TMEM232: variants seen among roughly 807,000 people sequenced by gnomAD.
TMEM232 encodes transmembrane protein 232.
Under a neutral mutation model 78.8 loss-of-function variants are expected in TMEM232, and 80 were observed. The observed-to-expected ratio is 1.01, with a 90% CI of 0.85 to 1.22. TMEM232 has a LOEUF of 1.22. Among genes scored for constraint, TMEM232 ranks in the 50% most tolerant of loss-of-function variants. The probability of loss-of-function intolerance (pLI) is 0.00; values close to 1 mark genes in which losing one functional copy is unlikely to be tolerated. For missense variants in TMEM232, 881 were observed against 742.2 expected (o/e 1.19, Z -2.17); for synonymous variants, 297 against 254.3 (o/e 1.17, Z -1.60).
chr5:110,482,873 A>G (rs899352162), intron 12 of TMEM232, among the ~76,000 whole-genome samples: 2 of 151,902 alleles, frequency 1.3e-5, no homozygotes, highest in Non-Finnish European at 2.9e-5. Flanking sequence ...TGCTAAAGAG[A>G]AGTAGACAAA....
chr5:110,620,038 G>C (rs1783434103), intron 7 of TMEM232, among the ~76,000 whole-genome samples: 1 of 151,942 alleles, frequency 6.6e-6, no homozygotes, highest in Non-Finnish European at 1.5e-5. Flanking sequence ...ATTCAATTAG[G>C]TCAACCATTC....
At chr5:110,465,863 T>G (rs75362825) in intron 12 of TMEM232, among the ~76,000 whole-genome samples, 8 of 152,322 alleles carry the variant, frequency 5.3e-5, no homozygotes, top group African/African-American at 1.9e-4. Context: ...TCTCCAATAT[T>G]TATTGGGTAT....
At chr5:110,532,342 C>G (rs1771636294) in intron 11 of TMEM232, among the ~76,000 whole-genome samples, 1 of 151,594 alleles carries the variant, frequency 6.6e-6, no homozygotes, top group African/African-American at 2.4e-5. Context: ...CTCAGAAGCC[C>G]CCTAGACCAT....
At position 110,392,354 on chromosome 5, in the gene TMEM232, C is replaced by T. The variant is rs146849052; in HGVS notation, n.391-1714G>A. Among the ~76,000 whole-genome samples, 1,026 of 152,214 alleles carry T rather than the reference C, an allele frequency of 6.7e-3. 11 individuals carry two copies. Among genetic ancestry groups the T allele is most frequent in the Non-Finnish European group, 0.01 (702 of 68,000 alleles). On this transcript the variant is annotated intron_variant and non_coding_transcript_variant, in intron 3 of 8. Coordinates refer to the TMEM232 transcript ENST00000507188. ...CTAAGAAATCAAGCATCTTGGTAAA[C>T]GGATAAAAATGATTTGGTAGAAGGA...
intron 12 of TMEM232, among the ~76,000 whole-genome samples, chr5:110,456,020 T>C (rs1376842246): frequency 1.3e-5 from 2 of 152,226 alleles, no homozygotes; most frequent in African/African-American, 4.8e-5. Context: ...CAGAATGCTT[T>C]GCCTCTAAGA....
chr5:110,591,695 A>AAGC, intron 10 of TMEM232, among the ~76,000 whole-genome samples: 1 of 152,166 alleles, frequency 6.6e-6, no homozygotes, highest in Non-Finnish European at 1.5e-5. Flanking sequence ...GAAAAATTAA[A>AAGC]TGCTTTGATC....
chr5:110,536,229 T>A (rs944925239), intron 11 of TMEM232, among the ~76,000 whole-genome samples: 3 of 152,240 alleles, frequency 2.0e-5, no homozygotes, highest in African/African-American at 7.2e-5. Context: ...AAGGTTTCCA[T>A]GTGGAAGCCC....
chr5:110,551,115 C>A (rs1276251664), intron 11 of TMEM232, among the ~76,000 whole-genome samples: 1 of 152,080 alleles, frequency 6.6e-6, no homozygotes, highest in South Asian at 2.1e-4. Flanking sequence ...AGCTTGCCAG[C>A]CCCTAATCTA....
chr5:110,669,307 A>T (rs917288709), intron 1 of TMEM232, among the ~76,000 whole-genome samples: 2 of 152,068 alleles, frequency 1.3e-5, no homozygotes, highest in South Asian at 4.1e-4. Flanking sequence ...TATCACCACC[A>T]ATCCCACAGA....
At chr5:110,609,369 A>C (rs1177301524) in intron 8 of TMEM232, among the ~76,000 whole-genome samples, 1 of 146,668 alleles carries the variant, frequency 6.8e-6, no homozygotes, top group East Asian at 1.9e-4. Context: ...TGTTTTCCCC[A>C]AAAAAAGTAA....
chr5:110,438,571 T>C (rs555286925), intron 12 of TMEM232, among the ~76,000 whole-genome samples: 2 of 152,154 alleles, frequency 1.3e-5, no homozygotes, highest in African/African-American at 4.8e-5. Context: ...CATATTTTAC[T>C]AGGGTGGTAA....
At chr5:110,488,998 G>C (rs1764748910) in intron 12 of TMEM232, among the ~76,000 whole-genome samples, 1 of 151,682 alleles carries the variant, frequency 6.6e-6, no homozygotes, top group Non-Finnish European at 1.5e-5. Flanking sequence ...TAGAGAAAAT[G>C]ACACGAAAAG....
At chr5:110,646,401 A>C (rs1787479885) in intron 2 of TMEM232, among the ~76,000 whole-genome samples, 1 of 151,826 alleles carries the variant, frequency 6.6e-6, no homozygotes, top group African/African-American at 2.4e-5. Flanking sequence ...AGGAGAATCA[A>C]AAATCCAGAA....
At chr5:110,403,302 A>G (rs992160024) in intron 2 of TMEM232, among the ~76,000 whole-genome samples, 3 of 152,092 alleles carry the variant, frequency 2.0e-5, no homozygotes, top group Admixed American at 6.6e-5. Flanking sequence ...TATTTGAGCA[A>G]TACCCCCAAT....
chr5:110,649,236 CAG>C (rs1475368106), intron 2 of TMEM232, among the ~76,000 whole-genome samples: 1 of 151,762 alleles, frequency 6.6e-6, no homozygotes, highest in Non-Finnish European at 1.5e-5. Context: ...AGAGTAAAAA[CAG>C]TTAAGGAAAG....
intron 2 of TMEM232, among the ~76,000 whole-genome samples, chr5:110,650,584 T>A (rs1788169009): frequency 6.6e-6 from 1 of 152,154 alleles, no homozygotes. Context: ...AAACCCAGTA[T>A]AATCATGAGA....
rs375205848 is a variant in TMEM232 at position 110,712,170 on chromosome 5, C to G, written c.-13+14457G>C. 8.6e-5 allele frequency among the ~76,000 whole-genome samples: 13 copies of G among 150,664 alleles called. 2 individuals are homozygous for G. Among genetic ancestry groups the G allele is most frequent in the East Asian group, 5.8e-4 (3 of 5,144 alleles). Reference sequence around the variant, plus strand: ...ACTACAAGAAAACCTTGAAGAAACTCTCCAGGACATTGGTCTGGGCAAAAA... The same window carrying G: ...ACTACAAGAAAACCTTGAAGAAACTGTCCAGGACATTGGTCTGGGCAAAAA... On this transcript the variant is annotated intron_variant, in intron 1 of 13. Coordinates refer to ENST00000455884, the MANE Select transcript of TMEM232 (RefSeq NM_001039763.4).
At chr5:110,636,575 A>G (rs116123733) in intron 5 of TMEM232, among the ~76,000 whole-genome samples, 2,991 of 152,078 alleles carry the variant, frequency 0.02, 76 homozygotes, top group African/African-American at 0.058. Context: ...TAAGGTAAAA[A>G]TTAGTAAATC....
intron 1 of TMEM232, among the ~76,000 whole-genome samples, chr5:110,687,298 C>T (rs531764008): frequency 4.6e-5 from 7 of 152,220 alleles, no homozygotes; most frequent in East Asian, 1.9e-4. Context: ...TAAAAACCCA[C>T]GTGTAACTGC....
Sources: gnomAD v4.1 joint callset for allele counts (sites outside exome capture counted in the v4.1 genomes callset) on GRCh38, gnomAD v4.1.1 for gene constraint, MANE v1.5 for transcripts, NCBI Gene and HGNC (gene_info 2026-07-23, HGNC 2026-07-21) for gene names.